CLIC5: variants seen among roughly 807,000 people sequenced by gnomAD.
CLIC5 encodes CLIC family member 5.
In CLIC5, 20 loss-of-function variants were observed where a neutral mutation model predicts 24.7. The observed-to-expected ratio is 0.81, with a 90% CI of 0.57 to 1.18. CLIC5 has a LOEUF of 1.18. Among genes scored for constraint, CLIC5 ranks in the 50% most tolerant of loss-of-function variants. The probability of loss-of-function intolerance (pLI) is 0.00; values close to 1 mark genes in which losing one functional copy is unlikely to be tolerated. For missense variants in CLIC5, 341 were observed against 326.1 expected (o/e 1.05, Z -0.35); for synonymous variants, 159 against 135.6 (o/e 1.17, Z -1.20).
intron 5 of CLIC5, chr6:45,911,510 A>G (rs1762818062): frequency 1.3e-6 from 1 of 761,470 alleles, no homozygotes; most frequent in Non-Finnish European, 1.6e-6. Flanking sequence ...TGGTGGCCTG[A>G]CCAAGAGAAC....
At chr6:45,997,392 A>T (rs1341237340) in intron 1 of CLIC5, among the ~76,000 whole-genome samples, 3 of 148,972 alleles carry the variant, frequency 2.0e-5, no homozygotes. Context: ...ATTGGGAGAT[A>T]TACCTAATGC....
chr6:45,902,834 T>A lies in CLIC5; in HGVS notation c.*254A>T. On this transcript the variant is annotated 3_prime_UTR_variant, in exon 6 of 6. Coordinates refer to ENST00000339561, the MANE Select transcript of CLIC5 (RefSeq NM_016929.5). ...CAACACTGACTGACCCCAAACATGC[T>A]GAGCCCAGATCAGGCTGGCCGGCCG... 1 of 504,654 alleles carries A rather than the reference T, an allele frequency of 2.0e-6. No individual in the cohort carries two copies. Among genetic ancestry groups the A allele is most frequent in the Non-Finnish European group, 3.5e-6 (1 of 283,774 alleles). 31.3% of individuals were successfully genotyped at this position (504,654 alleles called of 1,614,324 possible).
At chr6:45,984,500 C>T (rs1765668009) in intron 1 of CLIC5, among the ~76,000 whole-genome samples, 1 of 152,182 alleles carries the variant, frequency 6.6e-6, no homozygotes, top group Non-Finnish European at 1.5e-5. Flanking sequence ...GAGAATGACA[C>T]TTGTACTAAG....
chr6:46,077,119 A>G (rs1277055099), intron 1 of CLIC5, among the ~76,000 whole-genome samples: 1 of 151,992 alleles, frequency 6.6e-6, no homozygotes, highest in Non-Finnish European at 1.5e-5. Flanking sequence ...GGGAGACGAG[A>G]CTTTTTTTTT....
At chr6:45,949,105 G>A (rs566366950) in intron 3 of CLIC5, 151 bp downstream of exon 3, 2 of 1,019,776 alleles carry the variant, frequency 2.0e-6, no homozygotes, top group South Asian at 1.7e-5. Flanking sequence ...CCCTTTGGGG[G>A]TCCTAGGCTC....
the CLIC5 span, among the ~76,000 whole-genome samples, chr6:46,104,479 C>T: frequency 6.6e-6 from 1 of 151,768 alleles, no homozygotes; most frequent in Admixed American, 6.6e-5. Flanking sequence ...AACCTTGTTG[C>T]TTGTTAGTCT....
intron 6 of CLIC5, among the ~76,000 whole-genome samples, chr6:45,886,419 A>G (rs1011214503): frequency 6.6e-6 from 1 of 152,146 alleles, no homozygotes; most frequent in Non-Finnish European, 1.5e-5. Context: ...ACCTGTGCAT[A>G]CCCCTTTCAT....
At chr6:46,069,672 T>G (rs1178432556) in intron 1 of CLIC5, among the ~76,000 whole-genome samples, 1 of 152,034 alleles carries the variant, frequency 6.6e-6, no homozygotes, top group East Asian at 1.9e-4. Flanking sequence ...CCATTCCTAC[T>G]AAAACTTCCA....
chr6:46,078,774 C>A (rs967953479), intron 1 of CLIC5, among the ~76,000 whole-genome samples: 3 of 151,894 alleles, frequency 2.0e-5, no homozygotes, highest in Non-Finnish European at 4.4e-5. Context: ...ACACACAAAA[C>A]AATTAGAGAA....
At chr6:45,887,700 C>T (rs539485698) in intron 6 of CLIC5, among the ~76,000 whole-genome samples, 1 of 152,180 alleles carries the variant, frequency 6.6e-6, no homozygotes, top group Non-Finnish European at 1.5e-5. Flanking sequence ...TTAGGGTTCA[C>T]CCTCTAAAAC....
intron 1 of CLIC5, among the ~76,000 whole-genome samples, chr6:45,996,259 T>C (rs1050068775): frequency 6.6e-6 from 1 of 152,202 alleles, no homozygotes; most frequent in Non-Finnish European, 1.5e-5. Context: ...CTTTGTCAGA[T>C]GAGTAGGTTG....
chr6:45,921,287 T>C (rs932013454), intron 4 of CLIC5, among the ~76,000 whole-genome samples: 1 of 151,984 alleles, frequency 6.6e-6, no homozygotes, highest in Non-Finnish European at 1.5e-5. Context: ...TTCTATCAGG[T>C]CTGATGGGAC....
intron 4 of CLIC5, chr6:45,920,679 T>A (rs1411098938): frequency 2.9e-5 from 28 of 979,836 alleles, no homozygotes; most frequent in Non-Finnish European, 3.2e-5. Context: ...AGCCTTTCTT[T>A]CCACAGGCAG....
chr6:46,057,755 C>T (rs569536211), intron 1 of CLIC5, among the ~76,000 whole-genome samples: 1 of 152,284 alleles, frequency 6.6e-6, no homozygotes, highest in South Asian at 2.1e-4. Flanking sequence ...TAGCCAGGTG[C>T]CCTCATATGT....
Position 46,045,635 on chromosome 6 carries a change from G to A in CLIC5, c.540+34068C>T, listed in dbSNP as rs114767884. Among the ~76,000 whole-genome samples the A allele has an allele frequency of 9.3e-3, 1,420 of 152,216 alleles. 26 individuals are homozygous for A. The highest frequency in any genetic ancestry group is 0.032 in the African/African-American group (1,331 of 41,534). ...CTCCCTGTTTGATCAAACAAGACAC[G>A]TGAATAAGAAAGCAGTAAGCCAGAG... is the stretch of plus-strand genomic sequence containing the variant. On this transcript the variant is annotated intron_variant, in intron 1 of 5. Coordinates refer to the CLIC5 transcript ENST00000185206.
chr6:45,940,563 C>T (rs1400018094), intron 4 of CLIC5, among the ~76,000 whole-genome samples: 1 of 152,232 alleles, frequency 6.6e-6, no homozygotes, highest in African/African-American at 2.4e-5. Context: ...GCTTCTGGGG[C>T]ATCTAGCATC....
At chr6:46,029,399 T>C (rs1562013511) in intron 1 of CLIC5, among the ~76,000 whole-genome samples, 2 of 152,182 alleles carry the variant, frequency 1.3e-5, no homozygotes, top group African/African-American at 4.8e-5. Context: ...ACATTTTTCT[T>C]ATTATCCCCA....
chr6:46,116,268 T>C, the CLIC5 span, among the ~76,000 whole-genome samples: 1 of 152,216 alleles, frequency 6.6e-6, no homozygotes, highest in Admixed American at 6.5e-5. Flanking sequence ...ATTTTTAGTT[T>C]GTGCCTTGAT....
At chr6:45,891,933 A>G (rs1247079722) in intron 6 of CLIC5, among the ~76,000 whole-genome samples, 1 of 152,226 alleles carries the variant, frequency 6.6e-6, no homozygotes, top group Non-Finnish European at 1.5e-5. Flanking sequence ...AACTATATGT[A>G]CTTATACAGA....
Sources: allele counts gnomAD v4.1 joint callset (sites outside exome capture counted in the v4.1 genomes callset), GRCh38; gene constraint gnomAD v4.1.1; transcripts MANE v1.5; gene names NCBI Gene and HGNC (gene_info 2026-07-23, HGNC 2026-07-21).